ELMO1: variants seen among roughly 807,000 people sequenced by gnomAD.
ELMO1 encodes the protein engulfment and cell motility protein 1.
In ELMO1, 26 loss-of-function variants were observed where a neutral mutation model predicts 98.9. The observed-to-expected ratio is 0.26, with a 90% CI of 0.19 to 0.36. The LOEUF (loss-of-function observed/expected upper bound fraction) is 0.36, where lower values mean the gene tolerates loss of function less well. Ranked by LOEUF, ELMO1 falls within the 10% of genes least tolerant of loss-of-function variation. ELMO1 has a pLI of 1.00. For missense variants in ELMO1, 627 were observed against 935.2 expected (o/e 0.67, Z 4.30); for synonymous variants, 346 against 346.0 (o/e 1.00, Z 0.00).
chr7:37,101,665 T>C (rs530842372), intron 14 of ELMO1, among the ~76,000 whole-genome samples: 14 of 152,090 alleles, frequency 9.2e-5, no homozygotes, highest in Non-Finnish European at 1.8e-4. Flanking sequence ...TCCCAGGAGC[T>C]GCTGGTATAG....
intron 15 of ELMO1, among the ~76,000 whole-genome samples, chr7:37,075,707 G>T (rs1584605388): frequency 6.6e-6 from 1 of 152,072 alleles, no homozygotes; most frequent in South Asian, 2.1e-4. Context: ...CTTCTAGGAG[G>T]GGGAGAAGCC....
chr7:37,389,449 T>A (rs919173250), intron 1 of ELMO1, among the ~76,000 whole-genome samples: 2 of 152,228 alleles, frequency 1.3e-5, no homozygotes, highest in Non-Finnish European at 2.9e-5. Flanking sequence ...TTGAGTGTTT[T>A]TCCCTCCATT....
chr7:37,433,051 T>C (rs770227546), intron 1 of ELMO1, among the ~76,000 whole-genome samples: 8 of 152,196 alleles, frequency 5.3e-5, no homozygotes, highest in Non-Finnish European at 1.0e-4. Context: ...GGTTAGGGCA[T>C]TGCATGGCCG....
intron 15 of ELMO1, among the ~76,000 whole-genome samples, chr7:37,072,010 G>A (rs1348575045): frequency 1.3e-5 from 2 of 152,188 alleles, no homozygotes; most frequent in Non-Finnish European, 2.9e-5. Flanking sequence ...AGTTCTTCTT[G>A]AGAATGAGGA....
At chr7:37,059,913 G>C (rs1312526737) in intron 15 of ELMO1, among the ~76,000 whole-genome samples, 3 of 152,238 alleles carry the variant, frequency 2.0e-5, no homozygotes, top group African/African-American at 7.2e-5. Flanking sequence ...TGGGCCACCT[G>C]TTGGCGTTTA....
chr7:37,377,829 A>T (rs1184899629), intron 1 of ELMO1, among the ~76,000 whole-genome samples: 1 of 152,200 alleles, frequency 6.6e-6, no homozygotes, highest in African/African-American at 2.4e-5. Context: ...TGCCATAAGC[A>T]TCAAAAAGCA....
chr7:37,297,231 T>A (rs1798075780), intron 4 of ELMO1, among the ~76,000 whole-genome samples: 1 of 152,228 alleles, frequency 6.6e-6, no homozygotes, highest in Admixed American at 6.5e-5. Flanking sequence ...CATGTTTAAA[T>A]CATTCAAAAC....
intron 10 of ELMO1, among the ~76,000 whole-genome samples, chr7:37,222,054 A>G (rs551131460): frequency 6.6e-6 from 1 of 152,294 alleles, no homozygotes; most frequent in East Asian, 1.9e-4. Context: ...ATCCACACAC[A>G]GAAGTAAGTA....
chr7:37,049,780 T>C (rs1450261094), intron 15 of ELMO1, among the ~76,000 whole-genome samples: 2 of 144,946 alleles, frequency 1.4e-5, no homozygotes, highest in African/African-American at 5.5e-5. Flanking sequence ...TTTGTTTCTT[T>C]TTTTTTTTTT....
intron 16 of ELMO1, among the ~76,000 whole-genome samples, chr7:36,959,206 C>T (rs966034884): frequency 2.0e-5 from 3 of 152,114 alleles, no homozygotes; most frequent in African/African-American, 7.2e-5. Flanking sequence ...AACCCCTCCA[C>T]CTTAGTCTAC....
chr7:37,017,346 TATTTG>T (rs1793999544), intron 15 of ELMO1, among the ~76,000 whole-genome samples: 1 of 152,206 alleles, frequency 6.6e-6, no homozygotes. Flanking sequence ...TGAATGAGTG[TATTTG>T]ATTTATTTCA....
intron 6 of ELMO1, among the ~76,000 whole-genome samples, chr7:37,245,888 T>A (rs1181550000): frequency 1.3e-5 from 2 of 152,152 alleles, no homozygotes; most frequent in Non-Finnish European, 2.9e-5. Flanking sequence ...ACGCTGAGCA[T>A]CAAAATCAAT....
intron 16 of ELMO1, among the ~76,000 whole-genome samples, chr7:36,906,846 A>G (rs1055665870): frequency 1.3e-5 from 2 of 151,524 alleles, no homozygotes; most frequent in African/African-American, 4.9e-5. Flanking sequence ...AGTAAGTGCT[A>G]TTATCAATAC....
At chr7:36,962,890 A>G (rs1789080261) in intron 16 of ELMO1, among the ~76,000 whole-genome samples, 2 of 152,360 alleles carry the variant, frequency 1.3e-5, no homozygotes, top group Middle Eastern at 6.8e-3. Flanking sequence ...TTAGAAAAGT[A>G]TTAAAGAAAA....
chr7:37,303,570 A>G (rs1399776419), intron 4 of ELMO1, among the ~76,000 whole-genome samples: 1 of 152,210 alleles, frequency 6.6e-6, no homozygotes, highest in Non-Finnish European at 1.5e-5. Flanking sequence ...CTTAGAAGTA[A>G]TCTTCTTTAC....
chr7:37,210,507 A>G (rs765592564), intron 13 of ELMO1, among the ~76,000 whole-genome samples: 2 of 150,552 alleles, frequency 1.3e-5, no homozygotes, highest in Non-Finnish European at 3.0e-5. Flanking sequence ...CATTGTGTGT[A>G]TATATATATA....
intron 16 of ELMO1, among the ~76,000 whole-genome samples, chr7:36,933,548 G>A (rs1446757379): frequency 6.6e-6 from 1 of 152,188 alleles, no homozygotes; most frequent in Non-Finnish European, 1.5e-5. Context: ...ATGCCCTAGA[G>A]TGACAGGTGT....
In ELMO1 at chr7:37,333,216, C is replaced by T. The variant is rs996723758; in HGVS notation, c.78+9397G>A. Among the ~76,000 whole-genome samples the T allele has an allele frequency of 3.9e-5, 6 of 152,114 alleles. No individual in the cohort carries two copies. In the South Asian group the frequency reaches 1.2e-3, roughly 31 times the overall value. On this transcript the variant is annotated intron_variant, in intron 2 of 21. Transcript: ENST00000310758. ...GTACAAGCTGTTTGTTCCTGGGTAC[C>T]CAGAGTTCCTTCTCAACACTGAAAT... is the stretch of plus-strand genomic sequence containing the variant.
intron 13 of ELMO1, among the ~76,000 whole-genome samples, chr7:37,178,530 A>G (rs980562398): frequency 1.3e-5 from 2 of 152,014 alleles, no homozygotes; most frequent in African/African-American, 2.4e-5. Flanking sequence ...TGAGCCCAGG[A>G]GGCAGAGGTT....
Sources: gnomAD v4.1 joint callset for allele counts (sites outside exome capture counted in the v4.1 genomes callset) on GRCh38, gnomAD v4.1.1 for gene constraint, MANE v1.5 for transcripts, NCBI Gene and HGNC (gene_info 2026-07-23, HGNC 2026-07-21) for gene names.